The following SPIDR variants were observed in gnomAD, a reference collection of about 807,000 sequenced individuals.
The protein encoded by SPIDR is scaffold protein involved in DNA repair.
SPIDR carries 93 observed loss-of-function variants against 104.6 expected under a neutral mutation model. That is an observed-to-expected ratio of 0.89 (90% CI 0.75 to 1.06). SPIDR has a LOEUF of 1.06. Ranked by LOEUF, SPIDR falls within the 50% of genes least tolerant of loss-of-function variation. The probability of loss-of-function intolerance (pLI) is 0.00; values close to 1 mark genes in which losing one functional copy is unlikely to be tolerated. For synonymous variants in SPIDR, 431 were observed against 416.9 expected, an observed-to-expected ratio of 1.03 and a Z score of -0.41; for missense variants, 1,154 against 1,111.2, an observed-to-expected ratio of 1.04 and a Z score of -0.55.
chr8:47,394,706 T>C (rs1588129826), intron 5 of SPIDR, among the ~76,000 whole-genome samples: 2 of 152,164 alleles, frequency 1.3e-5, no homozygotes, highest in African/African-American at 4.8e-5. Flanking sequence ...ACAGAAAAGA[T>C]GAAGTTAATT....
intron 6 of SPIDR, among the ~76,000 whole-genome samples, chr8:47,406,864 G>A (rs782305908): frequency 1.3e-4 from 20 of 152,266 alleles, no homozygotes; most frequent in Non-Finnish European, 2.8e-4. Flanking sequence ...CATCTGTGCA[G>A]TGGGTACTGA....
intron 16 of SPIDR, among the ~76,000 whole-genome samples, chr8:47,721,225 G>A (rs139542499): frequency 1.2e-3 from 183 of 152,154 alleles, no homozygotes; most frequent in African/African-American, 4.2e-3. Context: ...TAGGAGTTTC[G>A]TGTTTTACAT....
At chr8:47,429,161 G>A (rs922017052) in intron 7 of SPIDR, among the ~76,000 whole-genome samples, 5 of 152,046 alleles carry the variant, frequency 3.3e-5, no homozygotes, top group East Asian at 3.9e-4. Context: ...TTGTATTAAC[G>A]GAACAGTAAA....
chr8:47,517,105 C>T (rs1023635816), intron 8 of SPIDR, among the ~76,000 whole-genome samples: 2 of 152,092 alleles, frequency 1.3e-5, no homozygotes, highest in African/African-American at 4.8e-5. Flanking sequence ...CTGCCTCAGC[C>T]TCCCAAGTAG....
chr8:47,568,083 T>TTATTTTCAAAA (rs1288622589), intron 8 of SPIDR, among the ~76,000 whole-genome samples: 1 of 152,198 alleles, frequency 6.6e-6, no homozygotes, highest in African/African-American at 2.4e-5. Flanking sequence ...GCCTATTTTC[T>TTATTTTCAAAA]TATTTTCAAA....
chr8:47,551,163 T>G (rs2154397153), intron 8 of SPIDR, among the ~76,000 whole-genome samples: 1 of 152,324 alleles, frequency 6.6e-6, no homozygotes, highest in South Asian at 2.1e-4. Context: ...GCTGCTGGAT[T>G]TGGTTTGCCA....
intron 8 of SPIDR, among the ~76,000 whole-genome samples, chr8:47,456,920 C>T (rs990110379): frequency 3.3e-5 from 5 of 152,154 alleles, no homozygotes; most frequent in Non-Finnish European, 5.9e-5. Context: ...TAAGTTGCTG[C>T]GAATGACATT....
chr8:47,350,288 C>G (rs564248495), intron 5 of SPIDR, among the ~76,000 whole-genome samples: 5 of 152,096 alleles, frequency 3.3e-5, no homozygotes, highest in Non-Finnish European at 7.4e-5. Flanking sequence ...TTTTCCTTGA[C>G]ACGTGAAAGA....
chr8:47,665,997 CTTATT>C (rs2074867969), intron 10 of SPIDR, among the ~76,000 whole-genome samples: 1 of 152,042 alleles, frequency 6.6e-6, no homozygotes, highest in Non-Finnish European at 1.5e-5. Context: ...GAAATAACCT[CTTATT>C]TATTTATGCC....
chr8:47,649,109 G>T (rs1588808230), intron 10 of SPIDR, among the ~76,000 whole-genome samples: 1 of 152,078 alleles, frequency 6.6e-6, no homozygotes, highest in African/African-American at 2.4e-5. Flanking sequence ...GCCGGCCCAG[G>T]ATGCACACCT....
At chr8:47,587,609 CAAAA>C (rs36084278) in intron 8 of SPIDR, among the ~76,000 whole-genome samples, 4 of 58,844 alleles carry the variant, frequency 6.8e-5, no homozygotes, top group Admixed American at 1.8e-4. Flanking sequence ...GACCCTGCCT[CAAAA>C]AAAAAAAAAA....
At chr8:47,263,585 C>G (rs1315507423) in intron 1 of SPIDR, among the ~76,000 whole-genome samples, 1 of 152,214 alleles carries the variant, frequency 6.6e-6, no homozygotes, top group African/African-American at 2.4e-5. Flanking sequence ...TCCCAAAGTG[C>G]TGGGATTACA....
chr8:47,671,383 G>C (rs1041518027), intron 10 of SPIDR, among the ~76,000 whole-genome samples: 1 of 151,972 alleles, frequency 6.6e-6, no homozygotes, highest in South Asian at 2.1e-4. Flanking sequence ...CCAGGAATTC[G>C]AGACCAGCCT....
intron 10 of SPIDR, among the ~76,000 whole-genome samples, chr8:47,625,309 T>C (rs1164704548): frequency 4.6e-5 from 7 of 152,220 alleles, no homozygotes; most frequent in East Asian, 3.9e-4. Flanking sequence ...TGGAAGCATT[T>C]CCTTTGAAAA....
Position 47,509,184 on chromosome 8 carries a change from G to A in SPIDR, c.1097+68642G>A, listed in dbSNP as rs577079850. ...ACCCAGCTAGCTTACACACACTTTG[G>A]CCCTTCGGCTTGTTATGTTAGCCAG... On this transcript the variant is annotated intron_variant, in intron 8 of 19. Transcript: ENST00000297423. Among the ~76,000 whole-genome samples the A allele has an allele frequency of 8.1e-4, 123 of 152,208 alleles. 1 individual carries two copies. In the South Asian group the frequency reaches 0.023, roughly 29 times the overall value.
chr8:47,673,421 G>A (rs759873557), intron 10 of SPIDR: 11 of 458,634 alleles, frequency 2.4e-5, no homozygotes, highest in African/African-American at 4.0e-5. Flanking sequence ...CATGGGAAAC[G>A]GTAAAAATGG....
intron 2 of SPIDR, among the ~76,000 whole-genome samples, chr8:47,280,805 C>G (rs1301980698): frequency 3.3e-5 from 5 of 152,270 alleles, no homozygotes; most frequent in East Asian, 1.9e-4. Flanking sequence ...CCCAGAGTGC[C>G]GGGATTATAG....
chr8:47,639,365 G>A (rs977269723), intron 10 of SPIDR, among the ~76,000 whole-genome samples: 1 of 152,112 alleles, frequency 6.6e-6, no homozygotes, highest in African/African-American at 2.4e-5. Context: ...TGCTCTCTAG[G>A]GATTTCTAGA....
At chr8:47,429,965 T>A (rs1440070758) in intron 7 of SPIDR, among the ~76,000 whole-genome samples, 1 of 152,162 alleles carries the variant, frequency 6.6e-6, no homozygotes, top group Non-Finnish European at 1.5e-5. Context: ...AAGCTATCCC[T>A]CCTATTTCCA....
Sources: allele counts gnomAD v4.1 joint callset (sites outside exome capture counted in the v4.1 genomes callset), GRCh38; gene constraint gnomAD v4.1.1; transcripts MANE v1.5; gene names NCBI Gene and HGNC (gene_info 2026-07-23, HGNC 2026-07-21).